ADA2: variants seen among roughly 807,000 people sequenced by gnomAD.
ADA2 encodes adenosine deaminase CECR1.
ADA2 carries 29 observed loss-of-function variants against 44.2 expected under a neutral mutation model. The observed-to-expected ratio is 0.66, with a 90% CI of 0.49 to 0.89. The LOEUF (loss-of-function observed/expected upper bound fraction) is 0.89. Among genes scored for constraint, ADA2 ranks in the 40% least tolerant of loss-of-function variants. The pLI, the probability that ADA2 is intolerant of heterozygous loss-of-function variation, is 0.00. For missense variants in ADA2, 637 were observed against 644.8 expected, an observed-to-expected ratio of 0.99 and a Z score of 0.13; for synonymous variants, 215 against 234.9, an observed-to-expected ratio of 0.92 and a Z score of 0.77.
chr22:17,191,624 G>C lies in ADA2; in HGVS notation c.881+59C>G, dbSNP rs2062115749. ...TTCTCACCCCTCCCCTCCCAGCCTA[G>C]TAGCTCTGCCTGCATCCCAGCCTCC... On this transcript the variant is annotated intron_variant, in intron 5 of 9. Coordinates refer to ENST00000399837, the MANE Select transcript of ADA2 (RefSeq NM_001282225.2). 1.9e-6 allele frequency: 3 copies of C among 1,564,158 alleles called. No individual in the cohort carries two copies. The East Asian group carries it at 6.8e-5, about 36-fold the overall frequency.
chr22:17,211,747 G>A (rs1408309984), intron 1 of ADA2, among the ~76,000 whole-genome samples: 8 of 151,336 alleles, frequency 5.3e-5, no homozygotes, highest in Non-Finnish European at 5.9e-5. Context: ...GGCCAACATG[G>A]TGAAACCCCG....
intron 8 of ADA2, 35 bp downstream of exon 8, chr22:17,182,569 G>T (rs766108390): frequency 1.7e-5 from 28 of 1,607,762 alleles, no homozygotes; most frequent in Non-Finnish European, 2.4e-5. Context: ...GGTTAGGGGA[G>T]ATCATATGGG....
rs762663812 is a variant in ADA2, at chr22:17,203,556, G to A, written c.753+7C>T. ...GTGGGAGGAACAGAGAGGAGAGCTG[G>A]GCTCACCGGCAGCAGCCTGGCTCTG... On this transcript the variant is annotated splice_region_variant and intron_variant, in intron 4 of 9. Transcript: ENST00000399837. 5.8e-5 allele frequency: 94 copies of A among 1,608,590 alleles called. No homozygotes were observed. The highest frequency in any genetic ancestry group is 8.0e-5 in the Non-Finnish European group (94 of 1,176,774).
At chr22:17,199,438 T>TCTTCCCCTCCCACCCCTCCTCTATCCA in intron 4 of ADA2, 4 of 995,466 alleles carry the variant, frequency 4.0e-6, no homozygotes, top group Non-Finnish European at 3.2e-6. Flanking sequence ...TCCTCTATCC[T>TCTTCCCCTCCCACCCCTCCTCTATCCA]CTTCCCCTCC....
In ADA2 at chr22:17,209,670, A is replaced by G. The variant is rs1157955703; in HGVS notation, c.8T>C (p.Val3Ala). Residue 3 changes from valine to alanine, a missense_variant, in exon 2 of 10, where the codon GTG (valine) becomes GCG (alanine). Val to Ala is a moderately conservative substitution (Grantham distance 64). Coordinates refer to ENST00000399837, the MANE Select transcript of ADA2 (RefSeq NM_001282225.2). ...GGCTGGCCGCTCAGATGGGCCATCC[A>G]CCAACATCGGGATGCCTGGACTAGG... ML[V>A]DGPSERPALC... is the part of the protein sequence containing the mutation. 6.2e-7 allele frequency: 1 copy of G among 1,611,698 alleles called. No homozygotes were observed. The highest frequency in any genetic ancestry group is 8.5e-7 in the Non-Finnish European group (1 of 1,179,222).
intron 4 of ADA2, among the ~76,000 whole-genome samples, chr22:17,196,973 G>A (rs1253737967): frequency 2.6e-5 from 4 of 152,208 alleles, no homozygotes; most frequent in South Asian, 2.1e-4. Flanking sequence ...AGGAGTTCAA[G>A]AGCAGCCTGG....
Position 17,211,876 on chromosome 22 carries a change from C to T in ADA2, c.-46-2153G>A, listed in dbSNP as rs150875712. 2.6e-3 allele frequency among the ~76,000 whole-genome samples: 390 copies of T among 151,384 alleles called. 3 individuals carry two copies. The highest frequency in any genetic ancestry group is 8.8e-3 in the African/African-American group (361 of 41,218). ...CCGGGAGGCGGAGGTTGCAGTGAGC[C>T]AAGATCGTGCCACTGCACTCCAGCC... On this transcript the variant is annotated intron_variant, in intron 1 of 9. Coordinates refer to ENST00000399837, the MANE Select transcript of ADA2 (RefSeq NM_001282225.2).
rs376482971 is a variant in ADA2, at chr22:17,203,687, A to T, written c.629T>A (p.Ile210Asn). The T allele has an allele frequency of 1.2e-6, 2 of 1,614,094 alleles. No individual in the cohort carries two copies. Among genetic ancestry groups the T allele is most frequent in the East Asian group, 4.5e-5 (2 of 44,880 alleles). ...QNVVWSKFETIFFTISGLIHY... is the reference protein window; with the variant it reads ...QNVVWSKFETNFFTISGLIHY... The stretch of plus-strand genomic sequence containing the variant: ...GATGAGACCAGAGATGGTGAAGAAG[A>T]TGGTTTCAAATTTCGACCAGACAAC... Residue 210 changes from isoleucine to asparagine, a missense_variant, in exon 4 of 10, where the codon ATC (isoleucine) becomes AAC (asparagine). Coordinates refer to ENST00000399837, the MANE Select transcript of ADA2 (RefSeq NM_001282225.2).
At chr22:17,216,740 C>G (rs946060417) in intron 1 of ADA2, among the ~76,000 whole-genome samples, 12 of 144,422 alleles carry the variant, frequency 8.3e-5, no homozygotes, top group African/African-American at 3.2e-4. Context: ...AGCCCGGCAA[C>G]AGAGCAAGAC....
At chr22:17,220,965 G>A (rs1601475497), upstream of ADA2, among the ~76,000 whole-genome samples, 1 of 151,956 alleles carries the variant, frequency 6.6e-6, no homozygotes, top group African/African-American at 2.4e-5. Context: ...CAATGGAAGG[G>A]GTTCGAGACC....
Position 17,181,351 on chromosome 22 carries a change from A to G in ADA2, c.*132T>C. The stretch of plus-strand genomic sequence containing the variant: ...GAGGATGAATTTGCTCAGCCAGCCA[A>G]GTGCTTCTCACAGGGTCGCTCCATA... On this transcript the variant is annotated 3_prime_UTR_variant, in exon 10 of 10. Transcript: ENST00000399837. 1.4e-6 allele frequency: 1 copy of G among 690,844 alleles called. No homozygotes were observed. The highest frequency in any genetic ancestry group is 2.6e-6 in the Non-Finnish European group (1 of 378,728). 42.8% of individuals were successfully genotyped at this position (690,844 alleles called of 1,614,324 possible). A position where few individuals can be genotyped will look rare whatever the true frequency, so the allele number is the denominator to read the frequency against.
chr22:17,196,517 G>A (rs2062193048), intron 4 of ADA2, among the ~76,000 whole-genome samples: 1 of 152,032 alleles, frequency 6.6e-6, no homozygotes, highest in Non-Finnish European at 1.5e-5. Flanking sequence ...AGTTGTCTTG[G>A]ACTCATCCAG....
chr22:17,205,809 T>C (rs1038427025), intron 3 of ADA2, among the ~76,000 whole-genome samples: 1 of 151,574 alleles, frequency 6.6e-6, no homozygotes, highest in Admixed American at 6.6e-5. Flanking sequence ...CAAAACCCCA[T>C]CTCACAAAAA....
At chr22:17,213,543 C>T (rs1359517242) in intron 1 of ADA2, 2 of 301,196 alleles carry the variant, frequency 6.6e-6, no homozygotes, top group African/African-American at 4.6e-5. Context: ...AAAAGGACTT[C>T]TAAAGCTGAA....
At position 17,207,085 on chromosome 22, in the gene ADA2, A is replaced by G. The variant is rs1168939231; in HGVS notation, c.528T>C (p.Thr176=). 1.2e-6 allele frequency: 2 copies of G among 1,613,988 alleles called. No individual in the cohort carries two copies. Among genetic ancestry groups the G allele is most frequent in the South Asian group, 1.1e-5 (1 of 91,076 alleles). Residue 176 remains threonine (T), a synonymous_variant, in exon 3 of 10, where the codon ACT becomes ACC. Coordinates refer to ENST00000399837, the MANE Select transcript of ADA2 (RefSeq NM_001282225.2). Reference sequence around the variant, plus strand: ...CTACTACTCACCTGTCATCAAACTCAGTGACGTTCTGCACCCGCTTCCGAT... The same window carrying G: ...CTACTACTCACCTGTCATCAAACTCGGTGACGTTCTGCACCCGCTTCCGAT... ...EDYRKRVQNV[T]EFDDSLLRNF...
intron 7 of ADA2, among the ~76,000 whole-genome samples, chr22:17,184,124 T>C (rs1158163780): frequency 6.7e-6 from 1 of 148,166 alleles, no homozygotes; most frequent in Non-Finnish European, 1.5e-5. Context: ...CACACCCAGC[T>C]GATTTTTTTT....
chr22:17,181,201 T>C lies in ADA2; in HGVS notation c.*282A>G. 2.7e-6 allele frequency: 1 copy of C among 374,990 alleles called. No homozygotes were observed. The highest frequency in any genetic ancestry group is 4.9e-6 in the Non-Finnish European group (1 of 202,924). 23.2% of individuals were successfully genotyped at this position (374,990 alleles called of 1,614,324 possible). On this transcript the variant is annotated 3_prime_UTR_variant, in exon 10 of 10. Coordinates refer to ENST00000399837, the MANE Select transcript of ADA2 (RefSeq NM_001282225.2). ...TAGAAGAGAGCCCAGGACTGAGTCCTGAGGAAACAGCACAGAGATCAGAGA... is the reference window on the plus strand; with the variant it reads ...TAGAAGAGAGCCCAGGACTGAGTCCCGAGGAAACAGCACAGAGATCAGAGA...
In ADA2 at chr22:17,188,358, G is replaced by T. The variant is rs1378242594; in HGVS notation, c.1062C>A (p.Phe354Leu). Residue 354 changes from phenylalanine to leucine, a missense_variant, in exon 7 of 10, where the codon TTC becomes TTA. By Grantham distance (22) the Phe-to-Leu change is conservative. Transcript: ENST00000399837. ...PAKDGVKLPYFFHAGETDWQG... is the reference protein window; with the variant it reads ...PAKDGVKLPYLFHAGETDWQG... ...GCTCACCTGTTTCTCCGGCGTGGAA[G>T]AAGTAAGGCAGCTTAACGCCATCCT... 1.2e-6 allele frequency: 2 copies of T among 1,613,702 alleles called. No homozygotes were observed. The highest frequency in any genetic ancestry group is 1.7e-6 in the Non-Finnish European group (2 of 1,179,704).
intron 1 of ADA2, among the ~76,000 whole-genome samples, chr22:17,214,424 TA>T (rs1294879277): frequency 6.6e-6 from 1 of 152,212 alleles, no homozygotes; most frequent in Non-Finnish European, 1.5e-5. Flanking sequence ...TATTCAGAGG[TA>T]AAGCCCATTT....
Sources: allele counts gnomAD v4.1 joint callset (sites outside exome capture counted in the v4.1 genomes callset), GRCh38; gene constraint gnomAD v4.1.1; transcripts MANE v1.5; gene names NCBI Gene and HGNC (gene_info 2026-07-23, HGNC 2026-07-21).